Variants in HERC1 observed in about 807,000 individuals in gnomAD.
The protein encoded by HERC1 is probable E3 ubiquitin-protein ligase HERC1.
A neutral mutation model predicts 554.3 loss-of-function variants in HERC1; 160 were observed. That is an observed-to-expected ratio of 0.29 (90% CI 0.25 to 0.33). The LOEUF is 0.33. HERC1 is among the 10% of genes least tolerant of loss of function. The pLI is 1.00. For missense variants in HERC1, 4,919 were observed against 5,918.5 expected (o/e 0.83, Z 5.54); for synonymous variants, 2,175 against 2,131.7 (o/e 1.02, Z -0.56).
chr15:63,818,491 C>T (rs1000055557), intron 1 of HERC1, among the ~76,000 whole-genome samples: 8 of 152,128 alleles, frequency 5.3e-5, no homozygotes, highest in South Asian at 2.1e-4. Flanking sequence ...AACTGAAAGA[C>T]ATCTTAAATA....
In HERC1 at chr15:63,663,039, C is replaced by G; in HGVS notation, c.8846G>C (p.Ser2949Thr). The G allele has an allele frequency of 6.2e-7, 1 of 1,614,004 alleles. No homozygotes were observed. Among genetic ancestry groups the G allele is most frequent in the Admixed American group, 1.7e-5 (1 of 60,026 alleles). ...MEAMFGQDLT[S>T]DNDILGMWIP... ...CCACATTCCCAGAATATCATTGTCA[C>G]TGGTCAGGTCTTGTCCAAACATAGC... The change falls in exon 44 of 78, where the codon AGT becomes ACT. Residue 2949 changes from serine (S) to threonine (T), a missense_variant. Ser to Thr is a moderately conservative substitution (Grantham distance 58). This residue lies in a region of HERC1 where 1,963 missense variants were observed against 2,228.6 expected (regional missense o/e 0.88). Transcript: ENST00000443617.
chr15:63,756,612 G>A lies in HERC1; in HGVS notation c.1358C>T (p.Pro453Leu). The change falls in exon 5 of 78, where the codon CCT becomes CTT. Residue 453 changes from proline to leucine, a missense_variant. By Grantham distance (98) the Pro-to-Leu change is moderately conservative. This residue lies in a region of HERC1 where 744 missense variants were observed against 1,090.0 expected (regional missense o/e 0.68). Coordinates refer to ENST00000443617, the MANE Select transcript of HERC1 (RefSeq NM_003922.4). This position sits in a 1 kb window ranked among gnomAD's most constrained non-coding sequence, Gnocchi z 5.0. ...TGAAACCTTTTTAATGGATCTGTGA[G>A]GCTCGAATGTTAACTTTTTTAAAGT... ...QSTLKKLTFE[P>L]HRSIKKVSSS... 1 of 1,613,806 alleles carries A rather than the reference G, an allele frequency of 6.2e-7. No individual in the cohort carries two copies. The highest frequency in any genetic ancestry group is 1.1e-5 in the South Asian group (1 of 91,062).
chr15:63,719,696 A>G (rs926883180), intron 19 of HERC1, among the ~76,000 whole-genome samples: 1 of 152,244 alleles, frequency 6.6e-6, no homozygotes, highest in African/African-American at 2.4e-5. Flanking sequence ...AAGTGGCTGG[A>G]GAGTCCACAT....
chr15:63,718,620 T>C lies in HERC1; in HGVS notation c.3932A>G (p.Lys1311Arg), dbSNP rs777843088. ...YKVRSRLLAC[K>R]NLELIQTRSS... The stretch of plus-strand genomic sequence containing the variant: ...CCTTGTTTGAATAAGTTCAAGGTTC[T>C]TGCAAGCAAGTAAACGACTTCGAAC... The change falls in exon 21 of 78, where the codon AAG (lysine) becomes AGG (arginine). Residue 1311 changes from lysine to arginine, a missense_variant. Around this residue, in one of 11 missense-constraint regions of HERC1, gnomAD observed 1,121 missense variants for 1,244.0 expected, o/e 0.90. Transcript: ENST00000443617. This position sits in a 1 kb window ranked among gnomAD's most constrained non-coding sequence, Gnocchi z 4.2. The C allele has an allele frequency of 5.7e-6, 9 of 1,589,642 alleles. No homozygotes were observed. In the South Asian group the frequency reaches 1.0e-4, roughly 18 times the overall value.
chr15:63,773,848 AT>A (rs2142992029), intron 2 of HERC1, among the ~76,000 whole-genome samples: 1 of 152,264 alleles, frequency 6.6e-6, no homozygotes, highest in South Asian at 2.1e-4. Flanking sequence ...CCCAGCCTAA[AT>A]TTGTATTTTA....
intron 1 of HERC1, among the ~76,000 whole-genome samples, chr15:63,794,492 A>T (rs1027234023): frequency 6.6e-6 from 1 of 151,974 alleles, no homozygotes; most frequent in African/African-American, 2.4e-5. Context: ...CTAACCCTCT[A>T]ATCATGGCTC....
chr15:63,665,866 G>T, intron 42 of HERC1, 53 bp downstream of exon 42: 1 of 1,303,462 alleles, frequency 7.7e-7, no homozygotes, highest in Non-Finnish European at 1.1e-6. Context: ...ATAATAAATG[G>T]GGCTTTGAAA....
chr15:63,611,444 GGCTGGGGCTCTGCA>G (rs930730614), intron 77 of HERC1, among the ~76,000 whole-genome samples: 1 of 152,200 alleles, frequency 6.6e-6, no homozygotes, highest in Non-Finnish European at 1.5e-5. Context: ...ATCACAGCTG[GGCTGGGGCTCTGCA>G]GCTGGGGCCT....
In HERC1 at chr15:63,680,940, T is replaced by C. The variant is rs1021735467; in HGVS notation, c.6226-164A>G. ...AATAACACGAAAATAATCGCATCAA[T>C]TTAGAAAGATTTTAAAACATTCTTT... On this transcript the variant is annotated intron_variant, in intron 34 of 77. Transcript: ENST00000443617. This position sits in a 1 kb window ranked among gnomAD's most constrained non-coding sequence, Gnocchi z 5.8. Among the ~76,000 whole-genome samples the C allele has an allele frequency of 1.3e-5, 2 of 152,198 alleles. No homozygotes were observed. The highest frequency in any genetic ancestry group is 4.8e-5 in the African/African-American group (2 of 41,438).
At chr15:63,777,392 A>G (rs1014327559) in intron 1 of HERC1, among the ~76,000 whole-genome samples, 3 of 152,200 alleles carry the variant, frequency 2.0e-5, no homozygotes, top group African/African-American at 7.2e-5. Context: ...AGAGGACATA[A>G]AAGTGCCTTA....
intron 1 of HERC1, chr15:63,780,097 A>C (rs890311158): frequency 1.3e-5 from 2 of 151,852 alleles, no homozygotes; most frequent in African/African-American, 4.8e-5. Context: ...TCTGAATTGC[A>C]TTAGATTTAT....
chr15:63,730,192 C>T (rs1329315801), intron 14 of HERC1, among the ~76,000 whole-genome samples: 1 of 150,366 alleles, frequency 6.7e-6, no homozygotes, highest in Non-Finnish European at 1.5e-5. Context: ...CGGTAGCTCA[C>T]ACCTATAGTC....
At chr15:63,661,630 T>C in intron 45 of HERC1, 123 bp downstream of exon 45, 1 of 1,017,248 alleles carries the variant, frequency 9.8e-7, no homozygotes. Flanking sequence ...GCCCAAAGTG[T>C]AAGAATCACG....
intron 24 of HERC1, among the ~76,000 whole-genome samples, chr15:63,708,383 A>G (rs1316123627): frequency 6.6e-6 from 1 of 152,208 alleles, no homozygotes; most frequent in Non-Finnish European, 1.5e-5. Flanking sequence ...CAAGATAAGA[A>G]TATCTTACCC....
intron 6 of HERC1, 105 bp from the exon 7 acceptor site, chr15:63,754,753 G>GA (rs2075364230): frequency 1.7e-6 from 2 of 1,143,934 alleles, no homozygotes; most frequent in South Asian, 3.4e-5. Flanking sequence ...ATAGAATTGA[G>GA]ATTTTTTTAA....
chr15:63,793,101 T>C (rs1192303216), intron 1 of HERC1, among the ~76,000 whole-genome samples: 1 of 152,222 alleles, frequency 6.6e-6, no homozygotes, highest in African/African-American at 2.4e-5. Flanking sequence ...TCACGCCCTC[T>C]CTGGGGATGC....
intron 57 of HERC1, among the ~76,000 whole-genome samples, chr15:63,644,397 A>C (rs1355968837): frequency 2.0e-5 from 3 of 152,234 alleles, no homozygotes; most frequent in Non-Finnish European, 2.9e-5. Flanking sequence ...TTGGATTCTT[A>C]GCATCTATAG....
intron 1 of HERC1, among the ~76,000 whole-genome samples, chr15:63,810,798 T>C (rs956172346): frequency 6.6e-6 from 1 of 152,212 alleles, no homozygotes; most frequent in Non-Finnish European, 1.5e-5. Flanking sequence ...AATCTGGTGA[T>C]AGTCACCACC....
intron 1 of HERC1, among the ~76,000 whole-genome samples, chr15:63,804,584 C>CA (rs934481150): frequency 1.9e-3 from 227 of 122,152 alleles, no homozygotes; most frequent in South Asian, 4.3e-3. Context: ...AAAACTGTCT[C>CA]AAAAAAAAAA....
Sources: allele counts gnomAD v4.1 joint callset (sites outside exome capture counted in the v4.1 genomes callset), GRCh38; gene constraint gnomAD v4.1.1; regional missense constraint gnomAD v4.1.1; non-coding constraint Gnocchi (gnomAD v3.1); transcripts MANE v1.5; gene names NCBI Gene and HGNC (gene_info 2026-07-23, HGNC 2026-07-21).